Variants in MAGED1 observed in about 807,000 individuals in gnomAD.
MAGED1 encodes MAGE family member D1.
A neutral mutation model predicts 54.1 loss-of-function variants in MAGED1; 3 were observed. The ratio of observed to expected loss-of-function variants is 0.06; its 90% CI spans 0.03 to 0.14. The LOEUF (loss-of-function observed/expected upper bound fraction) is 0.14, where lower values mean the gene tolerates loss of function less well. MAGED1 is among the 10% of genes least tolerant of loss of function. The pLI is 1.00. For synonymous variants in MAGED1, 217 were observed against 227.3 expected (o/e 0.95, Z 0.41); for missense variants, 485 against 623.4 (o/e 0.78, Z 2.36).
intron 1 of MAGED1, among the ~76,000 whole-genome samples, chrX:51,836,647 G>C (rs1333611339): frequency 1.9e-5 from 2 of 106,942 alleles, no homozygotes; most frequent in African/African-American, 6.9e-5. Flanking sequence ...TCAGCTCACT[G>C]CAACCTCTGC....
intron 1 of MAGED1, among the ~76,000 whole-genome samples, chrX:51,887,648 C>T (rs371583607): frequency 1.5e-3 from 162 of 110,177 alleles, no homozygotes; most frequent in African/African-American, 5.0e-3. Flanking sequence ...ACCCGCCCCC[C>T]TGCCCCCTCC....
Position 51,895,605 on chromosome X carries a change from G to A in MAGED1, c.598G>A (p.Val200Ile), listed in dbSNP as rs781919008. The A allele has an allele frequency of 1.3e-5, 16 of 1,210,295 alleles. No homozygotes were observed. The Admixed American group carries it at 3.5e-4, about 26-fold the overall frequency. The change falls in exon 3 of 13, where the codon GTA becomes ATA. Residue 200 changes from valine (V) to isoleucine (I), a missense_variant. Physicochemically the swap from Val to Ile is conservative, Grantham distance 29. Transcript: ENST00000326587. ...AACAGCTGATACCCAGACCCAGAAT[G>A]TAAATCAGGCCAAAATGGCCACTTC... ...APTADTQTQN[V>I]NQAKMATSQA...
Position 51,896,394 on chromosome X carries a change from T to C in MAGED1, c.754-15T>C, listed in dbSNP as rs1557364228. The C allele has an allele frequency of 8.4e-7, 1 of 1,190,152 alleles. No individual in the cohort carries two copies. The highest frequency in any genetic ancestry group is 1.9e-5 in the South Asian group (1 of 53,894). ...GAACCCACTGGTGATTCTGAACTTC[T>C]CTCTGATGATGCAGATTAATAACTT... On this transcript the variant is annotated splice_polypyrimidine_tract_variant and intron_variant, in intron 3 of 12. Coordinates refer to ENST00000326587, the MANE Select transcript of MAGED1 (RefSeq NM_006986.4).
chrX:51,883,073 A>T (rs1406532851), intron 1 of MAGED1, among the ~76,000 whole-genome samples: 1 of 111,433 alleles, frequency 9.0e-6, no homozygotes, highest in Non-Finnish European at 1.9e-5. Context: ...AGCAAAGGCC[A>T]ACTAGAGAGA....
intron 3 of MAGED1, 91 bp downstream of exon 3, chrX:51,895,851 A>G: frequency 1.4e-6 from 1 of 720,114 alleles, no homozygotes; most frequent in Non-Finnish European, 2.0e-6. Flanking sequence ...AATGTATGTA[A>G]CTGTATTCAG....
chrX:51,805,965 C>CTTTTTTTTTTTTTTTT (rs57427122), intron 1 of MAGED1, among the ~76,000 whole-genome samples: 5 of 36,954 alleles, frequency 1.4e-4, no homozygotes, highest in African/African-American at 4.6e-4. Context: ...CTTTTCTTTT[C>CTTTTTTTTTTTTTTTT]TTTTTTTTTT....
At position 51,876,840 on chromosome X, in the gene MAGED1, A is replaced by G. The variant is rs1324647775; in HGVS notation, c.-36-17429A>G. On this transcript the variant is annotated intron_variant, in intron 1 of 12. Transcript: ENST00000375772. ...ATTCTGAGGAAAGTGTGAAAGTTCC[A>G]TTCAATAACCTGCTAAATTTATATT... 4.5e-5 allele frequency among the ~76,000 whole-genome samples: 5 copies of G among 111,102 alleles called. No individual in the cohort carries two copies. In the Admixed American group the frequency reaches 4.8e-4, roughly 11 times the overall value.
chrX:51,821,713 G>T (rs1557356544), intron 1 of MAGED1, among the ~76,000 whole-genome samples: 1 of 111,525 alleles, frequency 9.0e-6, no homozygotes, highest in Non-Finnish European at 1.9e-5. Flanking sequence ...ATTAAGTATG[G>T]TGTTTCTGTG....
intron 1 of MAGED1, among the ~76,000 whole-genome samples, chrX:51,814,902 A>T (rs1346449911): frequency 4.7e-5 from 5 of 106,289 alleles, no homozygotes; most frequent in Non-Finnish European, 9.7e-5. Flanking sequence ...AGGCCGAGGC[A>T]GGCAGATCAC....
At chrX:51,864,441 A>T (rs1557360955) in intron 1 of MAGED1, among the ~76,000 whole-genome samples, 1 of 111,532 alleles carries the variant, frequency 9.0e-6, no homozygotes, top group African/African-American at 3.3e-5. Context: ...TTTGTAACGT[A>T]ATGTGAAATC....
rs1486491040 is a variant in MAGED1 at position 51,896,843 on chromosome X, AGACTGGCAAGGTCCTCCT to A, written c.1196_1213del (p.Gln399_Trp404del). On this transcript the variant is annotated inframe_deletion, in exon 4 of 13. Transcript: ENST00000326587. ...CCCCACCGGGCTGGCAGGGTCCTCC[AGACTGGCAAGGTCCTCCT>A]GACTGGCCGCTACCACCCGACTGGC... The A allele has an allele frequency of 8.3e-7, 1 of 1,201,806 alleles. No homozygotes were observed. Among genetic ancestry groups the A allele is most frequent in the African/African-American group, 1.8e-5 (1 of 57,078 alleles).
At chrX:51,897,147 A>G (rs1450729567) in intron 4 of MAGED1, 61 bp from the exon 5 acceptor site, 1 of 1,199,811 alleles carries the variant, frequency 8.3e-7, no homozygotes, top group Non-Finnish European at 1.1e-6. Context: ...CTCATCTGTA[A>G]TTCAACCAAG....
At chrX:51,812,427 A>C (rs1925252236) in intron 1 of MAGED1, among the ~76,000 whole-genome samples, 1 of 111,515 alleles carries the variant, frequency 9.0e-6, no homozygotes, top group African/African-American at 3.3e-5. Context: ...CCATTCTCCC[A>C]GCCCATGGCA....
At chrX:51,811,905 CATTA>C (rs1267417186) in intron 1 of MAGED1, among the ~76,000 whole-genome samples, 1 of 110,900 alleles carries the variant, frequency 9.0e-6, no homozygotes, top group Non-Finnish European at 1.9e-5. Context: ...AAAGACAGAT[CATTA>C]ATTAATTAAT....
intron 1 of MAGED1, among the ~76,000 whole-genome samples, chrX:51,867,083 A>G (rs1189060303): frequency 8.9e-6 from 1 of 112,043 alleles, no homozygotes; most frequent in Non-Finnish European, 1.9e-5. Context: ...CATCTTTATT[A>G]CTGATAACAC....
chrX:51,848,235 G>A (rs1157482684), intron 1 of MAGED1, among the ~76,000 whole-genome samples: 1 of 110,801 alleles, frequency 9.0e-6, no homozygotes, highest in African/African-American at 3.3e-5. Context: ...TTATATACCT[G>A]CAAGACTTGT....
At chrX:51,898,379 A>G (rs2147022683) in intron 9 of MAGED1, 52 bp downstream of exon 9, 1 of 1,180,816 alleles carries the variant, frequency 8.5e-7, no homozygotes, top group Admixed American at 2.2e-5. Context: ...CTTTGGCAAC[A>G]GTGGATGGTC....
At chrX:51,844,594 T>C (rs1163200766) in intron 1 of MAGED1, among the ~76,000 whole-genome samples, 2 of 112,023 alleles carry the variant, frequency 1.8e-5, no homozygotes, top group African/African-American at 6.5e-5. Context: ...CTCTCTGATC[T>C]CTGCAGCATC....
Position 51,894,281 on chromosome X carries a change from G to T in MAGED1, c.-24G>T. On this transcript the variant is annotated 5_prime_UTR_variant, in exon 2 of 13. Coordinates refer to ENST00000326587, the MANE Select transcript of MAGED1 (RefSeq NM_006986.4). ...CCCTCTCCCACAGCCCCCAGGCTCC[G>T]CTCTTGCCAGAGGGACAGGAGCCAT... is the stretch of plus-strand genomic sequence containing the variant. 1 of 1,187,691 alleles carries T rather than the reference G, an allele frequency of 8.4e-7. No homozygotes were observed. Among genetic ancestry groups the T allele is most frequent in the Non-Finnish European group, 1.1e-6 (1 of 881,120 alleles).
Sources: gnomAD v4.1 joint callset for allele counts (sites outside exome capture counted in the v4.1 genomes callset) on GRCh38, gnomAD v4.1.1 for gene constraint, MANE v1.5 for transcripts, NCBI Gene and HGNC (gene_info 2026-07-23, HGNC 2026-07-21) for gene names.